The following CDC14B variants were observed in gnomAD, a reference collection of about 807,000 sequenced individuals.
The protein encoded by CDC14B is cell division cycle 14B.
CDC14B carries 22 observed loss-of-function variants against 64.2 expected under a neutral mutation model. The observed-to-expected ratio is 0.34, with a 90% CI of 0.24 to 0.49. The LOEUF (loss-of-function observed/expected upper bound fraction) is 0.49, where lower values mean the gene tolerates loss of function less well. Among genes scored for constraint, CDC14B ranks in the 20% least tolerant of loss-of-function variants. The probability of loss-of-function intolerance (pLI) is 0.99; values close to 1 mark genes in which losing one functional copy is unlikely to be tolerated. For synonymous variants in CDC14B, 191 were observed against 215.8 expected, an observed-to-expected ratio of 0.89 and a Z score of 1.01; for missense variants, 498 against 629.9, an observed-to-expected ratio of 0.79 and a Z score of 2.24.
chr9:96,580,522 C>T (rs1845083334), intron 1 of CDC14B, among the ~76,000 whole-genome samples: 3 of 152,180 alleles, frequency 2.0e-5, no homozygotes, highest in Non-Finnish European at 4.4e-5. Context: ...CGAGCCACTG[C>T]GCCCGGCTAG....
chr9:96,590,306 G>A (rs1845704850), intron 1 of CDC14B, among the ~76,000 whole-genome samples: 1 of 152,140 alleles, frequency 6.6e-6, no homozygotes, highest in Non-Finnish European at 1.5e-5. Context: ...CCATGTTGTA[G>A]TATATGACAG....
intron 9 of CDC14B, among the ~76,000 whole-genome samples, chr9:96,531,575 G>A (rs1372888761): frequency 2.0e-5 from 3 of 151,838 alleles, no homozygotes; most frequent in Non-Finnish European, 4.4e-5. Flanking sequence ...TCTTCTTAAA[G>A]AACCAACCCT....
At position 96,619,244 on chromosome 9, in the gene CDC14B, C is replaced by A; in HGVS notation, c.135G>T (p.Gln45His). 7.4e-7 allele frequency: 1 copy of A among 1,356,636 alleles called. No homozygotes were observed. Among genetic ancestry groups the A allele is most frequent in the Non-Finnish European group, 9.5e-7 (1 of 1,048,904 alleles). The allele number at this position is 1,356,636 out of a possible 1,614,324, so 84.0% of individuals were successfully genotyped here. The change falls in exon 1 of 14, where the codon CAG (glutamine) becomes CAT (histidine). Residue 45 changes from glutamine (Q) to histidine (H), a missense_variant. Physicochemically the swap from Gln to His is conservative, Grantham distance 24. Transcript: ENST00000375241. ...TQQDPRRRDP[Q>H]DDVYLDITDR... ...CGGTGATGTCCAGGTACACGTCGTC[C>A]TGGGGGTCCCGGCGGCGCGGGTCTT...
intron 4 of CDC14B, among the ~76,000 whole-genome samples, chr9:96,560,787 T>A (rs1258847224): frequency 2.7e-5 from 4 of 150,766 alleles, no homozygotes; most frequent in African/African-American, 9.8e-5. Context: ...AGGCTTTTGC[T>A]GCAAGTACGA....
At chr9:96,616,854 G>A (rs2119095981) in intron 1 of CDC14B, among the ~76,000 whole-genome samples, 1 of 152,318 alleles carries the variant, frequency 6.6e-6, no homozygotes, top group East Asian at 1.9e-4. Flanking sequence ...GCCACTTGCT[G>A]AGGACAGGCC....
chr9:96,602,798 G>A (rs1846585594), intron 1 of CDC14B, among the ~76,000 whole-genome samples: 1 of 152,064 alleles, frequency 6.6e-6, no homozygotes, highest in Admixed American at 6.6e-5. Context: ...TTTGCTATTA[G>A]GATCACTGAT....
At chr9:96,495,651 G>T (rs922852589), downstream of CDC14B, among the ~76,000 whole-genome samples, 13 of 152,214 alleles carry the variant, frequency 8.5e-5, no homozygotes, top group South Asian at 2.1e-4. Context: ...TGCTGGGGAA[G>T]TTTTCAGGAA....
chr9:96,551,545 G>C (rs1290069630), intron 5 of CDC14B, among the ~76,000 whole-genome samples: 3 of 152,120 alleles, frequency 2.0e-5, no homozygotes, highest in Non-Finnish European at 4.4e-5. Flanking sequence ...GACAATTAGA[G>C]TGGGTGTGGG....
chr9:96,598,782 T>A (rs534700187), intron 1 of CDC14B, among the ~76,000 whole-genome samples: 1 of 152,382 alleles, frequency 6.6e-6, no homozygotes, highest in African/African-American at 2.4e-5. Context: ...TCTGTATATA[T>A]GTGAAATGAC....
chr9:96,580,032 G>A (rs944867951), intron 1 of CDC14B, among the ~76,000 whole-genome samples: 2 of 151,830 alleles, frequency 1.3e-5, no homozygotes, highest in African/African-American at 4.8e-5. Context: ...CACACAGTCC[G>A]ATGAAAATAA....
intron 12 of CDC14B, among the ~76,000 whole-genome samples, chr9:96,518,139 A>G (rs7852498): frequency 0.43 from 65,220 of 152,050 alleles, 14,659 homozygotes; most frequent in African/African-American, 0.58. Flanking sequence ...TGCTGTGTGC[A>G]GAGTACTGCT....
chr9:96,583,861 G>GGT, intron 1 of CDC14B, among the ~76,000 whole-genome samples: 1 of 152,160 alleles, frequency 6.6e-6, no homozygotes, highest in African/African-American at 2.4e-5. Flanking sequence ...TGGGACTACA[G>GGT]GCGTCTACCA....
intron 1 of CDC14B, among the ~76,000 whole-genome samples, chr9:96,587,471 T>C (rs1447441209): frequency 6.6e-6 from 1 of 152,212 alleles, no homozygotes; most frequent in Non-Finnish European, 1.5e-5. Flanking sequence ...GGGCCTTTGC[T>C]GCCAAGAGCC....
intron 1 of CDC14B, among the ~76,000 whole-genome samples, chr9:96,616,688 C>A (rs1847650875): frequency 6.7e-6 from 1 of 149,970 alleles, no homozygotes; most frequent in Admixed American, 6.6e-5. Flanking sequence ...TGAGCCACTG[C>A]ACACCAGCCT....
intron 12 of CDC14B, among the ~76,000 whole-genome samples, chr9:96,512,055 A>AAAT (rs899216204): frequency 1.1e-4 from 17 of 152,074 alleles, no homozygotes; most frequent in Admixed American, 9.2e-4. Flanking sequence ...CCTCTCTATA[A>AAAT]AATAATAATA....
chr9:96,614,172 AACC>A (rs1292051059), intron 1 of CDC14B, among the ~76,000 whole-genome samples: 1 of 152,208 alleles, frequency 6.6e-6, no homozygotes, highest in African/African-American at 2.4e-5. Context: ...ATTTAACACA[AACC>A]ACCAAGAATC....
intron 12 of CDC14B, among the ~76,000 whole-genome samples, chr9:96,511,292 G>A (rs1397219983): frequency 6.6e-6 from 1 of 152,196 alleles, no homozygotes; most frequent in Non-Finnish European, 1.5e-5. Context: ...GCAACAAGAG[G>A]CTGGGCACGG....
intron 9 of CDC14B, among the ~76,000 whole-genome samples, chr9:96,528,131 T>C (rs926853109): frequency 1.3e-5 from 2 of 152,232 alleles, no homozygotes; most frequent in African/African-American, 4.8e-5. Context: ...TAAAGATGCA[T>C]AATATTCTGT....
At chr9:96,531,480 C>A (rs1838475011) in intron 9 of CDC14B, among the ~76,000 whole-genome samples, 1 of 152,024 alleles carries the variant, frequency 6.6e-6, no homozygotes, top group South Asian at 2.1e-4. Context: ...AGTGGTAATG[C>A]CATTTTCATT....
Sources: gnomAD v4.1 joint callset for allele counts (sites outside exome capture counted in the v4.1 genomes callset) on GRCh38, gnomAD v4.1.1 for gene constraint, MANE v1.5 for transcripts, NCBI Gene and HGNC (gene_info 2026-07-23, HGNC 2026-07-21) for gene names.